The following LPP variants were observed in gnomAD, a reference collection of about 807,000 sequenced individuals.
LPP encodes the protein lipoma-preferred partner.
In LPP, 38 loss-of-function variants were observed where a neutral mutation model predicts 60.4. The observed-to-expected ratio is 0.63, with a 90% CI of 0.49 to 0.83. LPP has a LOEUF of 0.83. Ranked by LOEUF, LPP falls within the 40% of genes least tolerant of loss-of-function variation. LPP has a pLI of 0.00. For missense variants in LPP, 902 were observed against 783.6 expected (o/e 1.15, Z -1.80); for synonymous variants, 328 against 290.8 (o/e 1.13, Z -1.30).
chr3:188,783,211 T>G (rs1219114276), intron 9 of LPP, among the ~76,000 whole-genome samples: 1 of 152,168 alleles, frequency 6.6e-6, no homozygotes, highest in Non-Finnish European at 1.5e-5. Flanking sequence ...TAGCTATTGC[T>G]TTATCCCTTC....
Position 188,874,331 on chromosome 3 carries a change from AT to A in LPP, c.1711-19del. ...TAACGTTTTTACTTATGTCGTTTCC[AT>A]CTGTCTTTACTGTTCTAGGATTGCG... is the stretch of plus-strand genomic sequence containing the variant. On this transcript the variant is annotated intron_variant, in intron 11 of 11. Transcript: ENST00000617246. 6.2e-7 allele frequency: 1 copy of A among 1,600,280 alleles called. No individual in the cohort carries two copies. Among genetic ancestry groups the A allele is most frequent in the Non-Finnish European group, 8.5e-7 (1 of 1,170,564 alleles).
intron 6 of LPP, among the ~76,000 whole-genome samples, chr3:188,569,534 G>T (rs1041518566): frequency 6.6e-6 from 1 of 151,960 alleles, no homozygotes; most frequent in African/African-American, 2.4e-5. Flanking sequence ...TTAAATAAAA[G>T]ATATGGATTG....
At chr3:188,420,121 C>G (rs1195610404) in intron 4 of LPP, among the ~76,000 whole-genome samples, 2 of 151,846 alleles carry the variant, frequency 1.3e-5, no homozygotes, top group African/African-American at 4.8e-5. Context: ...ATTATAAAAT[C>G]CCATATAGCT....
chr3:188,775,549 AG>A, intron 9 of LPP, among the ~76,000 whole-genome samples: 1 of 152,256 alleles, frequency 6.6e-6, no homozygotes, highest in South Asian at 2.1e-4. Flanking sequence ...GTTTTTTCAG[AG>A]GGTTATTATA....
At chr3:188,679,671 T>C (rs1322441451) in intron 7 of LPP, among the ~76,000 whole-genome samples, 3 of 152,212 alleles carry the variant, frequency 2.0e-5, no homozygotes, top group Admixed American at 6.5e-5. Context: ...TTAGTCACTT[T>C]GTACTTTACA....
At chr3:188,607,082 A>G (rs1842524073) in intron 6 of LPP, among the ~76,000 whole-genome samples, 1 of 149,264 alleles carries the variant, frequency 6.7e-6, no homozygotes, top group Non-Finnish European at 1.5e-5. Flanking sequence ...CTTTTTTTTT[A>G]TAAGTTTCTT....
At chr3:188,452,578 TG>T (rs774595073) in intron 4 of LPP, among the ~76,000 whole-genome samples, 1 of 152,108 alleles carries the variant, frequency 6.6e-6, no homozygotes, top group Non-Finnish European at 1.5e-5. Context: ...AGAAAGGACT[TG>T]GGAAAATTTC....
rs777070177 is a variant in LPP, at chr3:188,484,613, C to T, written c.215C>T (p.Pro72Leu). Reference sequence around the variant, plus strand: ...GTAGGTGATTTTCTTCCACCCCCACCTCCACCTCTAGATGATTCCAGTGCC... The same window carrying T: ...GTAGGTGATTTTCTTCCACCCCCACTTCCACCTCTAGATGATTCCAGTGCC... ...GGEGDFLPPP[P>L]PPLDDSSALP... Residue 72 changes from proline (P) to leucine (L), a missense_variant, in exon 5 of 12, where the codon CCT becomes CTT. By Grantham distance (98) the Pro-to-Leu change is moderately conservative (BLOSUM62 -3). Transcript: ENST00000617246. 6.2e-7 allele frequency: 1 copy of T among 1,613,682 alleles called. No homozygotes were observed. Among genetic ancestry groups the T allele is most frequent in the East Asian group, 2.2e-5 (1 of 44,866 alleles).
chr3:188,830,744 T>C (rs1467939451), intron 9 of LPP, among the ~76,000 whole-genome samples: 2 of 152,238 alleles, frequency 1.3e-5, no homozygotes, highest in Admixed American at 6.5e-5. Context: ...CATCTACCTA[T>C]AAAATTCAGT....
intron 9 of LPP, among the ~76,000 whole-genome samples, chr3:188,796,390 T>C (rs1460505472): frequency 6.6e-6 from 1 of 152,172 alleles, no homozygotes; most frequent in Non-Finnish European, 1.5e-5. Context: ...TTTTGGCCTT[T>C]TTCCCAAAAG....
rs1407617814 is a variant in LPP at position 188,886,539 on chromosome 3, A to C, written c.*12060A>C. 1.0e-5 allele frequency: 2 copies of C among 198,272 alleles called. No individual in the cohort carries two copies. The highest frequency in any genetic ancestry group is 2.0e-5 in the Non-Finnish European group (2 of 98,190). The allele number at this position is 198,272 out of a possible 1,614,324, so 12.3% of individuals were successfully genotyped here. On this transcript the variant is annotated 3_prime_UTR_variant, in exon 12 of 12. Transcript: ENST00000617246. ...GTCTCATCAGAGGGAATAAAAAGAC[A>C]ATGAGGTGGTAAATGTGAAAAAAGC...
intron 5 of LPP, among the ~76,000 whole-genome samples, chr3:188,489,884 G>C (rs1807800116): frequency 6.6e-6 from 1 of 152,098 alleles, no homozygotes. Context: ...TCCCAGTCCT[G>C]TGGCTTGCTT....
chr3:188,175,558 T>C (rs1363077598), intron 1 of LPP, among the ~76,000 whole-genome samples: 1 of 152,182 alleles, frequency 6.6e-6, no homozygotes. Context: ...TTTTTATACT[T>C]GTAAGGTCGA....
At chr3:188,204,272 A>G (rs1732528548) in intron 1 of LPP, among the ~76,000 whole-genome samples, 1 of 152,014 alleles carries the variant, frequency 6.6e-6, no homozygotes, top group Non-Finnish European at 1.5e-5. Flanking sequence ...AAAAACATAG[A>G]TTGGGCTCAT....
intron 6 of LPP, among the ~76,000 whole-genome samples, chr3:188,526,528 C>T (rs1294244069): frequency 2.6e-5 from 4 of 152,046 alleles, no homozygotes; most frequent in Non-Finnish European, 5.9e-5. Flanking sequence ...TGACCTCAAG[C>T]GATCTGCCCG....
At chr3:188,740,260 T>G (rs1213276352) in intron 8 of LPP, among the ~76,000 whole-genome samples, 2 of 152,100 alleles carry the variant, frequency 1.3e-5, no homozygotes, top group African/African-American at 4.8e-5. Flanking sequence ...TGAACTTTAA[T>G]TTGTTCATAA....
intron 7 of LPP, among the ~76,000 whole-genome samples, chr3:188,663,062 A>C (rs1204966164): frequency 6.6e-6 from 1 of 152,256 alleles, no homozygotes; most frequent in South Asian, 2.1e-4. Context: ...AACAGAAGAC[A>C]CTACAAAGTC....
rs139809376 is a variant in LPP at position 188,496,396 on chromosome 3, G to C, written c.306+11692G>C. Among the ~76,000 whole-genome samples the C allele has an allele frequency of 3.5e-3, 530 of 152,212 alleles. 6 individuals carry two copies. Among genetic ancestry groups the C allele is most frequent in the African/African-American group, 0.012 (494 of 41,540 alleles). ...CCCACCTCAGCCTCCCAAAGTGCTGGGATTACAGGCGTGAGCCACTGCACC... is the reference window on the plus strand; with the variant it reads ...CCCACCTCAGCCTCCCAAAGTGCTGCGATTACAGGCGTGAGCCACTGCACC... On this transcript the variant is annotated intron_variant, in intron 5 of 11. Coordinates refer to ENST00000617246, the MANE Select transcript of LPP (RefSeq NM_001375462.1).
intron 9 of LPP, among the ~76,000 whole-genome samples, chr3:188,816,653 CTT>C (rs1366758688): frequency 6.6e-6 from 1 of 152,154 alleles, no homozygotes; most frequent in Non-Finnish European, 1.5e-5. Context: ...TGAGATCTCT[CTT>C]ATTTACTTTC....
Sources: gnomAD v4.1 joint callset for allele counts (sites outside exome capture counted in the v4.1 genomes callset) on GRCh38, gnomAD v4.1.1 for gene constraint, MANE v1.5 for transcripts, NCBI Gene and HGNC (gene_info 2026-07-23, HGNC 2026-07-21) for gene names.